The following MYH9 variants were observed in gnomAD, a reference collection of about 807,000 sequenced individuals.
The protein encoded by MYH9 is myosin heavy chain 9.
In MYH9, 29 loss-of-function variants were observed where a neutral mutation model predicts 241.9. That is an observed-to-expected ratio of 0.12 (90% CI 0.09 to 0.16). MYH9 has a LOEUF of 0.16. Ranked by LOEUF, MYH9 falls within the 10% of genes least tolerant of loss-of-function variation. The probability of loss-of-function intolerance (pLI) is 1.00; values close to 1 mark genes in which losing one functional copy is unlikely to be tolerated. For missense variants in MYH9, 1,803 were observed against 2,595.5 expected, an observed-to-expected ratio of 0.69 and a Z score of 6.63; for synonymous variants, 1,047 against 1,062.6, an observed-to-expected ratio of 0.99 and a Z score of 0.29.
Position 36,327,495 on chromosome 22 carries a change from CAA to C in MYH9, c.491-9_491-8del, listed in dbSNP as rs1377162940. ...ATGGATTGATCTTCTCGGTCTGAAA[CAA>C]AGAAGACATCAGATTAACTCCCGCC... is the stretch of plus-strand genomic sequence containing the variant. On this transcript the variant is annotated splice_region_variant and splice_polypyrimidine_tract_variant and intron_variant, in intron 3 of 40. Transcript: ENST00000216181. 6.2e-7 allele frequency: 1 copy of C among 1,613,878 alleles called. No individual in the cohort carries two copies. Among genetic ancestry groups the C allele is most frequent in the African/African-American group, 1.3e-5 (1 of 74,922 alleles).
chr22:36,304,548 G>A (rs1162952728), intron 18 of MYH9, among the ~76,000 whole-genome samples: 1 of 152,242 alleles, frequency 6.6e-6, no homozygotes, highest in East Asian at 1.9e-4. Context: ...CCCTGGCTTG[G>A]CACTGAGTCA....
intron 1 of MYH9, among the ~76,000 whole-genome samples, chr22:36,362,055 C>T (rs577874109): frequency 5.8e-4 from 88 of 152,128 alleles, no homozygotes; most frequent in African/African-American, 2.0e-3. Context: ...GGGGACAGAG[C>T]GAGACTCTGC....
At chr22:36,297,404 A>G (rs2016805509) in intron 24 of MYH9, 1 of 207,110 alleles carries the variant, frequency 4.8e-6, no homozygotes, top group Admixed American at 5.6e-5. Context: ...TCGCACGGTC[A>G]GGGCTCTATG....
chr22:36,338,079 C>A (rs1191859394), intron 3 of MYH9, among the ~76,000 whole-genome samples: 3 of 151,974 alleles, frequency 2.0e-5, no homozygotes, highest in Non-Finnish European at 4.4e-5. Flanking sequence ...CTCACTGCAA[C>A]CTCCGCCGCC....
At position 36,285,015 on chromosome 22, in the gene MYH9, G is replaced by T; in HGVS notation, c.5483+106C>A. ...TCAGGAGGGAGGGAAACAGCCCCAG[G>T]CTCAGGAGACAGAGAGCTGGTTGTG... On this transcript the variant is annotated intron_variant, in intron 38 of 40. Coordinates refer to ENST00000216181, the MANE Select transcript of MYH9 (RefSeq NM_002473.6). This position sits in a 1 kb window ranked among gnomAD's most constrained non-coding sequence, Gnocchi z 7.0. 1 of 1,084,976 alleles carries T rather than the reference G, an allele frequency of 9.2e-7. No individual in the cohort carries two copies. The highest frequency in any genetic ancestry group is 1.4e-6 in the Non-Finnish European group (1 of 738,560). 67.2% of individuals were successfully genotyped at this position (1,084,976 alleles called of 1,614,324 possible).
rs1168113636 is a variant in MYH9 at position 36,329,334 on chromosome 22, G to T, written c.491-1846C>A. On this transcript the variant is annotated intron_variant, in intron 3 of 40. Coordinates refer to ENST00000216181, the MANE Select transcript of MYH9 (RefSeq NM_002473.6). This position sits in a 1 kb window ranked among gnomAD's most constrained non-coding sequence, Gnocchi z 4.1. ...ACAGAGATTAGAGACCTGCATCCTC[G>T]ACTAGACAGACGGGAAGACAGAAGG... Among the ~76,000 whole-genome samples, 1 of 152,192 alleles carries T rather than the reference G, an allele frequency of 6.6e-6. No individual in the cohort carries two copies. Among genetic ancestry groups the T allele is most frequent in the Admixed American group, 6.5e-5 (1 of 15,284 alleles).
intron 11 of MYH9, among the ~76,000 whole-genome samples, chr22:36,317,455 G>A (rs944132208): frequency 1.3e-5 from 2 of 152,156 alleles, no homozygotes; most frequent in Non-Finnish European, 2.9e-5. Flanking sequence ...TCAGGGAAAC[G>A]AACAGGTGGC....
chr22:36,385,157 C>CG (rs1303902690), intron 1 of MYH9, among the ~76,000 whole-genome samples: 1 of 149,030 alleles, frequency 6.7e-6, no homozygotes, highest in Non-Finnish European at 1.5e-5. Context: ...TGTCAAGGCA[C>CG]GGGTTTTTTT....
rs1489663673 is a variant in MYH9 at position 36,284,195 on chromosome 22, C to T, written c.5663G>A (p.Arg1888Gln). 7 of 1,613,672 alleles carry T rather than the reference C, an allele frequency of 4.3e-6. No homozygotes were observed. The highest frequency in any genetic ancestry group is 3.3e-5 in the Admixed American group (2 of 60,012). ...CAGTTTCCGGCGGGAGGCGTTGGCCCGCTGGGCCTCCTCTTCGGCCTCCTC... is the reference window on the plus strand; with the variant it reads ...CAGTTTCCGGCGGGAGGCGTTGGCCTGCTGGGCCTCCTCTTCGGCCTCCTC... ...QLEEAEEEAQRANASRRKLQR... is the reference protein window; with the variant it reads ...QLEEAEEEAQQANASRRKLQR... Residue 1888 changes from arginine (R) to glutamine (Q), a missense_variant, in exon 40 of 41, where the codon CGG becomes CAG. Coordinates refer to ENST00000216181, the MANE Select transcript of MYH9 (RefSeq NM_002473.6).
In MYH9 at chr22:36,301,036, G is replaced by T; in HGVS notation, c.2653C>A (p.Leu885Met). Residue 885 changes from leucine to methionine, a missense_variant, in exon 22 of 41, where the codon CTG (leucine) becomes ATG (methionine). Physicochemically the swap from Leu to Met is conservative, Grantham distance 15 (BLOSUM62 2). Around this residue, in one of 11 missense-constraint regions of MYH9, gnomAD observed 290 missense variants for 360.5 expected, o/e 0.80. Coordinates refer to ENST00000216181, the MANE Select transcript of MYH9 (RefSeq NM_002473.6). ...QSQLMAEKLQ[L>M]QEQLQAETEL... ...GTTTCTGCCTGGAGCTGCTCCTGCAGCTGCAATTTCTCTGCCATGAGCTGC... is the reference window on the plus strand; with the variant it reads ...GTTTCTGCCTGGAGCTGCTCCTGCATCTGCAATTTCTCTGCCATGAGCTGC... The T allele has an allele frequency of 1.9e-6, 3 of 1,610,698 alleles. No homozygotes were observed. Among genetic ancestry groups the T allele is most frequent in the Non-Finnish European group, 2.5e-6 (3 of 1,180,022 alleles).
chr22:36,300,394 G>A lies in MYH9; in HGVS notation c.2839-130C>T. 1 of 1,360,310 alleles carries A rather than the reference G, an allele frequency of 7.4e-7. No individual in the cohort carries two copies. The highest frequency in any genetic ancestry group is 1.0e-6 in the Non-Finnish European group (1 of 976,080). The allele number at this position is 1,360,310 out of a possible 1,614,324, so 84.3% of individuals were successfully genotyped here. On this transcript the variant is annotated intron_variant, in intron 22 of 40. Coordinates refer to ENST00000216181, the MANE Select transcript of MYH9 (RefSeq NM_002473.6). This position sits in a 1 kb window ranked among gnomAD's most constrained non-coding sequence, Gnocchi z 5.0. ...CAAGGTCTGTGAGCCCAGGGCCATGGCTGAGGTGGGGACGGCAAGGTCCGC... is the reference window on the plus strand; with the variant it reads ...CAAGGTCTGTGAGCCCAGGGCCATGACTGAGGTGGGGACGGCAAGGTCCGC...
At position 36,348,957 on chromosome 22, in the gene MYH9, C is replaced by T; in HGVS notation, c.280G>A (p.Glu94Lys). 2.5e-6 allele frequency: 4 copies of T among 1,614,106 alleles called. No homozygotes were observed. The highest frequency in any genetic ancestry group is 1.6e-4 in the Middle Eastern group (1 of 6,062). Residue 94 changes from glutamate (E) to lysine (K), a missense_variant, in exon 2 of 41, where the codon GAA becomes AAA. Around this residue, in one of 11 missense-constraint regions of MYH9, gnomAD observed 72 missense variants for 134.3 expected, o/e 0.54. Transcript: ENST00000216181. The part of the protein sequence containing the change: ...EDMAELTCLN[E>K]ASVLHNLKER... ...TTGAGGTTGTGCAGCACCGAGGCTTCGTTGAGGCACGTGAGCTCTGCCATG... is the reference window on the plus strand; with the variant it reads ...TTGAGGTTGTGCAGCACCGAGGCTTTGTTGAGGCACGTGAGCTCTGCCATG...
Position 36,285,836 on chromosome 22 carries a change from C to T in MYH9, c.5150+29G>A, listed in dbSNP as rs774049793. On this transcript the variant is annotated intron_variant, in intron 36 of 40. Transcript: ENST00000216181. This position sits in a 1 kb window ranked among gnomAD's most constrained non-coding sequence, Gnocchi z 7.0. Reference sequence around the variant, plus strand: ...CTACCCTGGGGACACACCTGGTCCCCCCCAACTCTGCCCCCTCACTCAGCT... The same window carrying T: ...CTACCCTGGGGACACACCTGGTCCCTCCCAACTCTGCCCCCTCACTCAGCT... The T allele has an allele frequency of 6.2e-6, 10 of 1,613,658 alleles. No individual in the cohort carries two copies. Among genetic ancestry groups the T allele is most frequent in the Non-Finnish European group, 7.6e-6 (9 of 1,179,984 alleles).
In MYH9 at chr22:36,306,413, CCTT is replaced by C. The variant is rs1344769408; in HGVS notation, c.2035_2037del (p.Lys679del). ...CGGGCCACCCCACCAGGCAGCCGCACCTTCTTCTCGTGGTTGGGGATGATGCAG... is the reference window on the plus strand; with the variant it reads ...CGGGCCACCCCACCAGGCAGCCGCACCTTCTCGTGGTTGGGGATGATGCAG... On this transcript the variant is annotated inframe_deletion and splice_region_variant, in exon 16 of 41. Transcript: ENST00000216181. This position sits in a 1 kb window ranked among gnomAD's most constrained non-coding sequence, Gnocchi z 4.1. 1 of 1,614,088 alleles carries C rather than the reference CCTT, an allele frequency of 6.2e-7. No homozygotes were observed. The highest frequency in any genetic ancestry group is 8.5e-7 in the Non-Finnish European group (1 of 1,180,034).
intron 1 of MYH9, among the ~76,000 whole-genome samples, chr22:36,360,538 C>T (rs974678254): frequency 6.6e-6 from 1 of 151,854 alleles, no homozygotes; most frequent in African/African-American, 2.4e-5. Context: ...ACGGTGAAAC[C>T]CCGTCTCTAC....
intron 1 of MYH9, among the ~76,000 whole-genome samples, chr22:36,360,331 C>G (rs945237218): frequency 6.6e-6 from 1 of 151,918 alleles, no homozygotes; most frequent in Non-Finnish European, 1.5e-5. Flanking sequence ...GTTTCGTGGC[C>G]GAGTAAGGAT....
chr22:36,350,737 C>T (rs1234799528), intron 1 of MYH9, among the ~76,000 whole-genome samples: 1 of 152,154 alleles, frequency 6.6e-6, no homozygotes, highest in African/African-American at 2.4e-5. Flanking sequence ...CATAGTCATC[C>T]AGTCCTGTGG....
chr22:36,340,690 G>C (rs1312076823), intron 3 of MYH9, among the ~76,000 whole-genome samples: 5 of 151,794 alleles, frequency 3.3e-5, no homozygotes, highest in Non-Finnish European at 7.4e-5. Flanking sequence ...AAGAAAGGAA[G>C]TGGTAGAGAC....
rs745735558 is a variant in MYH9, at chr22:36,289,342, A to AGCAGG, written c.4345-50_4345-46dup. 7.7e-6 allele frequency: 12 copies of AGCAGG among 1,558,276 alleles called. No individual in the cohort carries two copies. The South Asian group carries it at 1.3e-4, about 17-fold the overall frequency. ...CATGAGGCTCAGAGCTACGGCCCCC[A>AGCAGG]GCAGGGCAGGGCAGCTGGGCCTAAG... On this transcript the variant is annotated intron_variant, in intron 31 of 40. Coordinates refer to ENST00000216181, the MANE Select transcript of MYH9 (RefSeq NM_002473.6).
Sources: allele counts gnomAD v4.1 joint callset (sites outside exome capture counted in the v4.1 genomes callset), GRCh38; gene constraint gnomAD v4.1.1; regional missense constraint gnomAD v4.1.1; non-coding constraint Gnocchi (gnomAD v3.1); transcripts MANE v1.5; gene names NCBI Gene and HGNC (gene_info 2026-07-23, HGNC 2026-07-21).